PGR: variants seen among roughly 807,000 people sequenced by gnomAD.
The protein encoded by PGR is progesterone receptor.
PGR carries 25 observed loss-of-function variants against 76.1 expected under a neutral mutation model. The observed-to-expected ratio is 0.33, with a 90% CI of 0.24 to 0.46. The LOEUF is 0.46. Ranked by LOEUF, PGR falls within the 20% of genes least tolerant of loss-of-function variation. The pLI, the probability that PGR is intolerant of heterozygous loss-of-function variation, is 1.00. For missense variants in PGR, 1,172 were observed against 1,225.3 expected, an observed-to-expected ratio of 0.96 and a Z score of 0.65; for synonymous variants, 579 against 535.0, an observed-to-expected ratio of 1.08 and a Z score of -1.14.
chr11:101,118,760 T>C (rs1024881049), intron 2 of PGR, among the ~76,000 whole-genome samples: 5 of 152,228 alleles, frequency 3.3e-5, no homozygotes, highest in Non-Finnish European at 7.3e-5. Context: ...ATAGATTATA[T>C]GAAGTATGCA....
chr11:101,064,496 G>A (rs1307492307), intron 3 of PGR, among the ~76,000 whole-genome samples: 1 of 152,000 alleles, frequency 6.6e-6, no homozygotes, highest in Non-Finnish European at 1.5e-5. Context: ...GGGAAGGAAT[G>A]AGTCACAAAG....
chr11:101,098,658 G>A (rs543423263), intron 2 of PGR, among the ~76,000 whole-genome samples: 1 of 152,350 alleles, frequency 6.6e-6, no homozygotes, highest in African/African-American at 2.4e-5. Context: ...GGACTCTGCA[G>A]TGATCCAAAA....
At chr11:101,110,897 C>T (rs186960608) in intron 2 of PGR, among the ~76,000 whole-genome samples, 20 of 152,268 alleles carry the variant, frequency 1.3e-4, no homozygotes, top group African/African-American at 4.1e-4. Flanking sequence ...AGACCCTCTA[C>T]CAGCAAAAAC....
chr11:101,077,190 A>T (rs1315026385), intron 3 of PGR, among the ~76,000 whole-genome samples: 1 of 152,022 alleles, frequency 6.6e-6, no homozygotes, highest in Admixed American at 6.6e-5. Context: ...AGTCATCCTT[A>T]CACTACCTAT....
At chr11:101,072,838 C>T (rs978751639) in intron 3 of PGR, among the ~76,000 whole-genome samples, 7 of 152,128 alleles carry the variant, frequency 4.6e-5, no homozygotes, top group Non-Finnish European at 8.8e-5. Context: ...TCTTAGAGGC[C>T]TATGAAGAGA....
intron 3 of PGR, among the ~76,000 whole-genome samples, chr11:101,080,991 A>C (rs1391043335): frequency 3.3e-5 from 5 of 152,192 alleles, no homozygotes; most frequent in African/African-American, 7.2e-5. Flanking sequence ...AAGCAAAAAA[A>C]CCCTATGAAT....
chr11:101,076,493 T>G (rs1056620315), intron 3 of PGR, among the ~76,000 whole-genome samples: 25 of 151,878 alleles, frequency 1.6e-4, no homozygotes, highest in Non-Finnish European at 1.5e-4. Context: ...TAAATATAAA[T>G]TAAAAAATTG....
At chr11:101,080,181 C>T (rs1006298020) in intron 3 of PGR, among the ~76,000 whole-genome samples, 3 of 152,162 alleles carry the variant, frequency 2.0e-5, no homozygotes, top group African/African-American at 7.2e-5. Context: ...GAATCAGAAT[C>T]AGCCTATTGC....
rs186653307 is a variant in PGR, at chr11:101,128,267, G to A, written c.804C>T (p.Val268=). Residue 268 remains valine (V), a synonymous_variant, in exon 1 of 8, where the codon GTC becomes GTT. Coordinates refer to ENST00000325455, the MANE Select transcript of PGR (RefSeq NM_000926.4). ...CTGAGAAGCGGGAATCTTCCTTGGG[G>A]ACCAGGGCGACGCCTCCTGCTGCCG... The part of the protein sequence containing the change: ...PGAAAGGVAL[V]PKEDSRFSAP... 6.3e-7 allele frequency: 1 copy of A among 1,592,102 alleles called. No homozygotes were observed. Among genetic ancestry groups the A allele is most frequent in the East Asian group, 2.3e-5 (1 of 44,434 alleles).
At chr11:101,075,947 ACC>A (rs1354619040) in intron 3 of PGR, among the ~76,000 whole-genome samples, 1 of 152,192 alleles carries the variant, frequency 6.6e-6, no homozygotes, top group African/African-American at 2.4e-5. Context: ...ATACCATTTG[ACC>A]CAGCAATCCC....
intron 7 of PGR, 132 bp downstream of exon 7, chr11:101,041,813 G>T: frequency 2.6e-6 from 2 of 765,064 alleles, no homozygotes; most frequent in Non-Finnish European, 4.3e-6. Context: ...TGAGCAGCAT[G>T]ATCCAAACAC....
chr11:101,114,940 A>G (rs1862456120), intron 2 of PGR, among the ~76,000 whole-genome samples: 1 of 152,136 alleles, frequency 6.6e-6, no homozygotes, highest in African/African-American at 2.4e-5. Context: ...TACTCAATTA[A>G]TTGTAAACAC....
At chr11:101,124,338 C>T (rs1389012205) in intron 2 of PGR, among the ~76,000 whole-genome samples, 1 of 152,126 alleles carries the variant, frequency 6.6e-6, no homozygotes, top group East Asian at 1.9e-4. Flanking sequence ...TATATATGCA[C>T]TTTATGAAAT....
chr11:101,128,379 T>C lies in PGR; in HGVS notation c.692A>G (p.Glu231Gly), dbSNP rs1036856444. 2 of 1,608,010 alleles carry C rather than the reference T, an allele frequency of 1.2e-6. No individual in the cohort carries two copies. The highest frequency in any genetic ancestry group is 1.3e-5 in the African/African-American group (1 of 74,806). Reference protein sequence around the residue: ...VEEEDGSESEESAGPLLKGKP... With the variant: ...VEEEDGSESEGSAGPLLKGKP... Reference sequence around the variant, plus strand: ...GCCCTTCAGAAGCGGACCCGCAGACTCCTCGGACTCAGAGCCATCCTCCTC... The same window carrying C: ...GCCCTTCAGAAGCGGACCCGCAGACCCCTCGGACTCAGAGCCATCCTCCTC... The change falls in exon 1 of 8, where the codon GAG becomes GGG. Residue 231 changes from glutamate to glycine, a missense_variant. By Grantham distance (98) the Glu-to-Gly change is moderately conservative. Coordinates refer to ENST00000325455, the MANE Select transcript of PGR (RefSeq NM_000926.4).
Position 101,032,158 on chromosome 11 carries a change from TCTC to T in PGR, c.*6955_*6957del. 8.6e-6 allele frequency: 2 copies of T among 232,880 alleles called. No homozygotes were observed. Among genetic ancestry groups the T allele is most frequent in the Non-Finnish European group, 1.7e-5 (2 of 117,846 alleles). The allele number at this position is 232,880 out of a possible 1,614,324, so 14.4% of individuals were successfully genotyped here. A position where few individuals can be genotyped will look rare whatever the true frequency, so the allele number is the denominator to read the frequency against. On this transcript the variant is annotated 3_prime_UTR_variant, in exon 8 of 8. Transcript: ENST00000325455. ...TTGACAATTTATATGGTGTATTTCA[TCTC>T]CTTTCGTCAGTCCTGTCAATGTTCC...
rs745924932 is a variant in PGR, at chr11:101,051,591, C to T, written c.2213-23G>A. 3.2e-6 allele frequency: 5 copies of T among 1,555,828 alleles called. No homozygotes were observed. In the South Asian group the frequency reaches 5.6e-5, roughly 17 times the overall value. ...AACCTACAAAACAAATTTAAAAATA[C>T]AGTGACCATAAAAATGACTGAATTA... On this transcript the variant is annotated intron_variant, in intron 4 of 7. Transcript: ENST00000325455.
chr11:101,044,120 G>C (rs539305310), intron 6 of PGR, among the ~76,000 whole-genome samples: 175 of 152,318 alleles, frequency 1.1e-3, no homozygotes, highest in African/African-American at 3.9e-3. Context: ...TCTTCTTCCA[G>C]TGGAAAGCTG....
chr11:101,127,185 AC>A (rs927809849), intron 1 of PGR: 2 of 333,044 alleles, frequency 6.0e-6, no homozygotes, highest in African/African-American at 4.3e-5. Flanking sequence ...AAACAAAAAA[AC>A]AGCTTTCAGG....
chr11:101,075,716 G>GA (rs926718012), intron 3 of PGR, among the ~76,000 whole-genome samples: 4 of 151,154 alleles, frequency 2.6e-5, no homozygotes, highest in African/African-American at 9.7e-5. Flanking sequence ...CAATAAACAT[G>GA]AAAAAAAAGC....
Sources: gnomAD v4.1 joint callset for allele counts (sites outside exome capture counted in the v4.1 genomes callset) on GRCh38, gnomAD v4.1.1 for gene constraint, MANE v1.5 for transcripts, NCBI Gene and HGNC (gene_info 2026-07-23, HGNC 2026-07-21) for gene names.